NDUFS4: variants seen among roughly 807,000 people sequenced by gnomAD.
NDUFS4 encodes the protein NADH:ubiquinone oxidoreductase subunit S4, also known as NADH dehydrogenase [ubiquinone] iron-sulfur protein 4, mitochondrial.
In NDUFS4, 28 loss-of-function variants were observed where a neutral mutation model predicts 24.3. That is an observed-to-expected ratio of 1.15 (90% CI 0.85 to 1.58). The LOEUF (loss-of-function observed/expected upper bound fraction) is 1.58, where lower values mean the gene tolerates loss of function less well. NDUFS4 is among the 40% of genes most tolerant of loss of function. The probability of loss-of-function intolerance (pLI) is 0.00; values close to 1 mark genes in which losing one functional copy is unlikely to be tolerated. For synonymous variants in NDUFS4, 93 were observed against 69.7 expected, an observed-to-expected ratio of 1.34 and a Z score of -1.67; for missense variants, 223 against 207.9, an observed-to-expected ratio of 1.07 and a Z score of -0.45.
Position 53,646,305 on chromosome 5 carries a change from C to A in NDUFS4, c.250C>A (p.Arg84Ser). The A allele has an allele frequency of 6.2e-7, 1 of 1,613,060 alleles. No homozygotes were observed. Among genetic ancestry groups the A allele is most frequent in the Non-Finnish European group, 8.5e-7 (1 of 1,179,444 alleles). Residue 84 changes from arginine (R) to serine (S), a missense_variant, in exon 3 of 5, where the codon CGC (arginine) becomes AGC (serine). Arg to Ser is a moderately radical substitution (Grantham distance 110). Coordinates refer to ENST00000296684, the MANE Select transcript of NDUFS4 (RefSeq NM_002495.4). ...AAAAGTCAGGATCTTTGTTCCTGCT[C>A]GCAATAACATGCAGTCTGGAGTAAA... is the stretch of plus-strand genomic sequence containing the variant. ...TRKVRIFVPA[R>S]NNMQSGVNNT...
chr5:53,633,115 A>G (rs1299237061), intron 2 of NDUFS4, among the ~76,000 whole-genome samples: 1 of 152,172 alleles, frequency 6.6e-6, no homozygotes, highest in Admixed American at 6.5e-5. Context: ...GTTATACTTG[A>G]CATTGTAATT....
intron 1 of NDUFS4, among the ~76,000 whole-genome samples, chr5:53,596,026 C>T (rs559801746): frequency 6.6e-6 from 1 of 152,232 alleles, no homozygotes; most frequent in Non-Finnish European, 1.5e-5. Flanking sequence ...TTATGGTGTT[C>T]TAAAGAGATT....
At chr5:53,615,502 C>T (rs2112471511) in intron 2 of NDUFS4, among the ~76,000 whole-genome samples, 1 of 152,094 alleles carries the variant, frequency 6.6e-6, no homozygotes, top group South Asian at 2.1e-4. Flanking sequence ...CTATTCTACT[C>T]TTCAAAATAC....
At chr5:53,586,299 A>T (rs141388001) in intron 1 of NDUFS4, among the ~76,000 whole-genome samples, 2 of 150,388 alleles carry the variant, frequency 1.3e-5, no homozygotes, top group African/African-American at 4.9e-5. Flanking sequence ...ATTGTACTTA[A>T]GCCTGGGCGA....
intron 4 of NDUFS4, among the ~76,000 whole-genome samples, chr5:53,663,915 T>C (rs1007806050): frequency 2.0e-5 from 3 of 152,216 alleles, no homozygotes; most frequent in Non-Finnish European, 2.9e-5. Flanking sequence ...TTGATGCAGT[T>C]TCTTCTTAGC....
intron 1 of NDUFS4, among the ~76,000 whole-genome samples, chr5:53,583,034 C>T (rs967527394): frequency 6.6e-6 from 1 of 152,050 alleles, no homozygotes; most frequent in East Asian, 1.9e-4. Flanking sequence ...CCCGCCACCA[C>T]GCCTGGCTAA....
At chr5:53,639,078 A>G (rs976677716) in intron 2 of NDUFS4, among the ~76,000 whole-genome samples, 1 of 151,472 alleles carries the variant, frequency 6.6e-6, no homozygotes, top group African/African-American at 2.4e-5. Flanking sequence ...CACAGAATTA[A>G]TTTACTCTCT....
chr5:53,571,146 A>G (rs1749198081), intron 1 of NDUFS4, among the ~76,000 whole-genome samples: 1 of 152,222 alleles, frequency 6.6e-6, no homozygotes, highest in Non-Finnish European at 1.5e-5. Context: ...TTGTACAACC[A>G]AAACCACAAT....
intron 2 of NDUFS4, among the ~76,000 whole-genome samples, chr5:53,640,873 C>T (rs2112500897): frequency 6.6e-6 from 1 of 152,218 alleles, no homozygotes; most frequent in African/African-American, 2.4e-5. Flanking sequence ...TGTAATCACA[C>T]ACACATTAAT....
intron 2 of NDUFS4, among the ~76,000 whole-genome samples, chr5:53,618,334 C>T (rs1431334952): frequency 6.6e-6 from 1 of 151,998 alleles, no homozygotes; most frequent in Non-Finnish European, 1.5e-5. Context: ...GTTTTTCTTC[C>T]TTTTTTTGCT....
At chr5:53,596,563 A>G (rs1750138284) in intron 1 of NDUFS4, among the ~76,000 whole-genome samples, 1 of 152,136 alleles carries the variant, frequency 6.6e-6, no homozygotes, top group African/African-American at 2.4e-5. Flanking sequence ...AATTTTCTTT[A>G]TTGATTCAAG....
chr5:53,673,688 A>G (rs929390311), intron 4 of NDUFS4, among the ~76,000 whole-genome samples: 6 of 152,156 alleles, frequency 3.9e-5, no homozygotes, highest in African/African-American at 1.2e-4. Flanking sequence ...TTGCATTGCA[A>G]AGTTTTACCT....
intron 1 of NDUFS4, among the ~76,000 whole-genome samples, chr5:53,575,530 CTTTTTTTTTTTTTTTT>C (rs36051026): frequency 1.3e-4 from 10 of 76,158 alleles, no homozygotes; most frequent in East Asian, 1.1e-3. Flanking sequence ...TGATCAGATT[CTTTTTTTTTTTTTTTT>C]TTTTTTTTTT....
chr5:53,636,443 G>T (rs938164431), intron 2 of NDUFS4, among the ~76,000 whole-genome samples: 2 of 152,198 alleles, frequency 1.3e-5, no homozygotes, highest in African/African-American at 2.4e-5. Flanking sequence ...GAAACCGGAA[G>T]AATTCAGGAT....
chr5:53,608,856 T>A (rs1365299411), intron 2 of NDUFS4, among the ~76,000 whole-genome samples: 1 of 152,268 alleles, frequency 6.6e-6, no homozygotes. Flanking sequence ...CTCTTGCCTT[T>A]AACAATTGTA....
chr5:53,658,328 C>T (rs1752223063), intron 3 of NDUFS4, among the ~76,000 whole-genome samples: 1 of 151,870 alleles, frequency 6.6e-6, no homozygotes, highest in African/African-American at 2.4e-5. Context: ...AATGCCTTTG[C>T]AATTATGAAT....
intron 2 of NDUFS4, among the ~76,000 whole-genome samples, chr5:53,626,521 T>C (rs1228774851): frequency 6.6e-6 from 1 of 152,326 alleles, no homozygotes; most frequent in East Asian, 1.9e-4. Flanking sequence ...TTCATATTTC[T>C]CCACATCCTC....
chr5:53,570,327 C>T (rs1266040871), intron 1 of NDUFS4, among the ~76,000 whole-genome samples: 1 of 152,132 alleles, frequency 6.6e-6, no homozygotes, highest in Non-Finnish European at 1.5e-5. Context: ...TGCCTTTGAA[C>T]TTCATATAAG....
chr5:53,671,365 GAAGAA>G (rs1473420540), intron 4 of NDUFS4, among the ~76,000 whole-genome samples: 1 of 152,032 alleles, frequency 6.6e-6, no homozygotes, highest in Non-Finnish European at 1.5e-5. Flanking sequence ...GAGTGGAAAA[GAAGAA>G]AAGACTGAAT....
Sources: gnomAD v4.1 joint callset for allele counts (sites outside exome capture counted in the v4.1 genomes callset) on GRCh38, gnomAD v4.1.1 for gene constraint, MANE v1.5 for transcripts, NCBI Gene and HGNC (gene_info 2026-07-23, HGNC 2026-07-21) for gene names.